SYCP2L: variants seen among roughly 807,000 people sequenced by gnomAD.
The protein encoded by SYCP2L is synaptonemal complex protein 2 like.
Under a neutral mutation model 125.8 loss-of-function variants are expected in SYCP2L, and 98 were observed. The observed-to-expected ratio is 0.78, with a 90% confidence interval of 0.66 to 0.92. The LOEUF (loss-of-function observed/expected upper bound fraction) is 0.92. SYCP2L is among the 40% of genes least tolerant of loss of function. The pLI is 0.00. For missense variants in SYCP2L, 842 were observed against 936.4 expected (o/e 0.90, Z 1.32); for synonymous variants, 317 against 325.4 (o/e 0.97, Z 0.28).
chr6:10,895,394 GC>G (rs1273593820), intron 4 of SYCP2L, among the ~76,000 whole-genome samples: 1 of 152,188 alleles, frequency 6.6e-6, no homozygotes, highest in African/African-American at 2.4e-5. Flanking sequence ...TTCCCCATTG[GC>G]CGGGGTCGGG....
At chr6:10,891,653 G>GTTC in intron 2 of SYCP2L, 72 bp downstream of exon 2, 2 of 809,904 alleles carry the variant, frequency 2.5e-6, no homozygotes, top group Non-Finnish European at 3.9e-6. Context: ...GTGTGTGTGT[G>GTTC]TGTGTGTGTG....
chr6:10,913,755 C>T (rs1315576564), intron 14 of SYCP2L, among the ~76,000 whole-genome samples: 2 of 152,100 alleles, frequency 1.3e-5, no homozygotes, highest in East Asian at 3.9e-4. Flanking sequence ...GTTTTTATTG[C>T]ATTTGCTTTT....
chr6:10,893,234 G>T (rs1780205266), intron 2 of SYCP2L, among the ~76,000 whole-genome samples: 1 of 152,146 alleles, frequency 6.6e-6, no homozygotes, highest in South Asian at 2.1e-4. Context: ...CTGACCTCAG[G>T]TGATTCGCCT....
chr6:10,887,096 C>T lies in SYCP2L; in HGVS notation c.-31C>T, dbSNP rs370730681. 3 of 1,614,008 alleles carry T rather than the reference C, an allele frequency of 1.9e-6. No homozygotes were observed. The highest frequency in any genetic ancestry group is 2.5e-6 in the Non-Finnish European group (3 of 1,179,940). On this transcript the variant is annotated 5_prime_UTR_variant, in exon 1 of 30. Transcript: ENST00000283141. Reference sequence around the variant, plus strand: ...GACCGAGCGCAACAAAGCTGAGCGGCGCGTCGCTTCAGGAACGAAGAAGCC... The same window carrying T: ...GACCGAGCGCAACAAAGCTGAGCGGTGCGTCGCTTCAGGAACGAAGAAGCC...
intron 9 of SYCP2L, among the ~76,000 whole-genome samples, chr6:10,906,967 A>G (rs1397402117): frequency 6.6e-6 from 1 of 152,132 alleles, no homozygotes; most frequent in Non-Finnish European, 1.5e-5. Flanking sequence ...TTAAAATATA[A>G]CACCCATAAA....
intron 4 of SYCP2L, among the ~76,000 whole-genome samples, chr6:10,896,838 T>G (rs954169172): frequency 1.3e-5 from 2 of 152,208 alleles, no homozygotes; most frequent in South Asian, 2.1e-4. Flanking sequence ...CAGTGGGGGA[T>G]GTTTCCTAAC....
chr6:10,903,230 C>A (rs971608116), intron 8 of SYCP2L, among the ~76,000 whole-genome samples: 1 of 152,038 alleles, frequency 6.6e-6, no homozygotes, highest in African/African-American at 2.4e-5. Context: ...GTCAGGAGAT[C>A]GAGACCATCC....
intron 25 of SYCP2L, 70 bp downstream of exon 25, chr6:10,956,312 G>A: frequency 8.7e-7 from 1 of 1,154,338 alleles, no homozygotes; most frequent in Non-Finnish European, 1.3e-6. Context: ...AGTGAAATAA[G>A]CCAGACAGTA....
chr6:10,958,989 G>A, intron 26 of SYCP2L, 114 bp downstream of exon 26: 1 of 823,086 alleles, frequency 1.2e-6, no homozygotes, highest in Non-Finnish European at 2.0e-6. Flanking sequence ...CAGATGTGAG[G>A]ATTGATACAT....
At chr6:10,966,055 G>C (rs556519125) in intron 29 of SYCP2L, among the ~76,000 whole-genome samples, 61 of 152,328 alleles carry the variant, frequency 4.0e-4, no homozygotes, top group African/African-American at 1.4e-3. Flanking sequence ...AGAGGTTGCA[G>C]TGGGCTGAAG....
At chr6:10,938,878 T>C (rs923735279) in intron 21 of SYCP2L, among the ~76,000 whole-genome samples, 3 of 152,116 alleles carry the variant, frequency 2.0e-5, no homozygotes, top group African/African-American at 7.2e-5. Flanking sequence ...CCCAGCACTT[T>C]GGGACGCCAA....
rs1780936988 is a variant in SYCP2L, at chr6:10,928,458, C to T, written c.1488+8C>T. ...GACTTCCCGCAACAACCTGTGAGTA[C>T]AGGGAGTGGGGCTCAAGTTTCTTAT... On this transcript the variant is annotated splice_region_variant and intron_variant, in intron 18 of 29. Transcript: ENST00000283141. The T allele has an allele frequency of 6.3e-7, 1 of 1,583,678 alleles. No homozygotes were observed.
intron 21 of SYCP2L, among the ~76,000 whole-genome samples, chr6:10,940,208 G>A (rs879754229): frequency 3.3e-5 from 5 of 152,214 alleles, no homozygotes; most frequent in African/African-American, 9.6e-5. Context: ...GGTATGGAGA[G>A]AAGGGAACAA....
intron 20 of SYCP2L, among the ~76,000 whole-genome samples, chr6:10,931,845 G>GA (rs1409482677): frequency 2.6e-4 from 40 of 152,058 alleles, no homozygotes; most frequent in African/African-American, 9.2e-4. Flanking sequence ...CATGCTTATA[G>GA]TCCCAGCTAC....
rs539375428 is a variant in SYCP2L, at chr6:10,952,507, TG to T, written c.1955-2608del. On this transcript the variant is annotated intron_variant, in intron 23 of 29. Coordinates refer to ENST00000283141, the MANE Select transcript of SYCP2L (RefSeq NM_001040274.3). Reference sequence around the variant, plus strand: ...GTCTGTGCTGACAGATGCCTTGCTTTGCCCCAGGTATGCATGGGGGTGGAAC... The same window carrying T: ...GTCTGTGCTGACAGATGCCTTGCTTTCCCCAGGTATGCATGGGGGTGGAAC... 1.1e-4 allele frequency among the ~76,000 whole-genome samples: 17 copies of T among 152,026 alleles called. 2 individuals are homozygous for T. In the South Asian group the frequency reaches 3.5e-3, roughly 32 times the overall value.
At chr6:10,893,819 A>T (rs750740316) in intron 2 of SYCP2L, 48 bp from the exon 3 acceptor site, 1 of 1,585,412 alleles carries the variant, frequency 6.3e-7, no homozygotes, top group South Asian at 1.2e-5. Flanking sequence ...TTACTATAAA[A>T]TAAATGTTCT....
At chr6:10,909,461 C>T (rs932501685) in intron 10 of SYCP2L, among the ~76,000 whole-genome samples, 8 of 152,132 alleles carry the variant, frequency 5.3e-5, no homozygotes, top group Non-Finnish European at 8.8e-5. Context: ...GCTTACACTG[C>T]TGAGGTCTAT....
rs1229539703 is a variant in SYCP2L, at chr6:10,954,821, G to A, written c.1955-295G>A. On this transcript the variant is annotated intron_variant, in intron 23 of 29. Transcript: ENST00000283141. This position sits in a 1 kb window ranked among gnomAD's most constrained non-coding sequence, Gnocchi z 4.8. ...GAGCCCTGGAAGCGTTGCTTTTGAT[G>A]TCTACCATTACTGCTTAACTTAGGA... 6.6e-6 allele frequency among the ~76,000 whole-genome samples: 1 copy of A among 152,172 alleles called. No individual in the cohort carries two copies. Among genetic ancestry groups the A allele is most frequent in the Non-Finnish European group, 1.5e-5 (1 of 68,036 alleles).
chr6:10,924,557 A>C lies in SYCP2L; in HGVS notation c.1134A>C (p.Lys378Asn). The change falls in exon 15 of 30, where the codon AAA becomes AAC. Residue 378 changes from lysine to asparagine, a missense_variant. Transcript: ENST00000283141. ...YLKKPMIISY[K>N]EVMKIEIHFD... The stretch of plus-strand genomic sequence containing the variant: ...AGAAGCCCATGATTATCAGCTACAA[A>C]GAAGTCATGAAAATAGAAATCCATT... 6.2e-7 allele frequency: 1 copy of C among 1,605,890 alleles called. No homozygotes were observed. Among genetic ancestry groups the C allele is most frequent in the East Asian group, 2.2e-5 (1 of 44,516 alleles).
Sources: allele counts gnomAD v4.1 joint callset (sites outside exome capture counted in the v4.1 genomes callset), GRCh38; gene constraint gnomAD v4.1.1; non-coding constraint Gnocchi (gnomAD v3.1); transcripts MANE v1.5; gene names NCBI Gene and HGNC (gene_info 2026-07-23, HGNC 2026-07-21).